EPHA6: variants seen among roughly 807,000 people sequenced by gnomAD.
EPHA6 encodes EPH receptor A6, also known as ephrin type-A receptor 6.
In EPHA6, 50 loss-of-function variants were observed where a neutral mutation model predicts 112.0. That is an observed-to-expected ratio of 0.45 (90% CI 0.36 to 0.56). The LOEUF (loss-of-function observed/expected upper bound fraction) is 0.56. Among genes scored for constraint, EPHA6 ranks in the 20% least tolerant of loss-of-function variants. EPHA6 has a pLI of 0.00. For synonymous variants in EPHA6, 529 were observed against 490.7 expected (o/e 1.08, Z -1.03); for missense variants, 1,280 against 1,417.4 (o/e 0.90, Z 1.56).
chr3:96,970,625 A>G (rs2042281539), intron 2 of EPHA6, among the ~76,000 whole-genome samples: 1 of 152,110 alleles, frequency 6.6e-6, no homozygotes, highest in Non-Finnish European at 1.5e-5. Flanking sequence ...AACAACTATT[A>G]AGAACCAACT....
chr3:97,517,286 G>A (rs2092462264), intron 10 of EPHA6, among the ~76,000 whole-genome samples: 1 of 152,050 alleles, frequency 6.6e-6, no homozygotes, highest in African/African-American at 2.4e-5. Context: ...ACACCAGGAA[G>A]AACTATAGTG....
At chr3:97,556,081 T>C (rs10049303) in intron 11 of EPHA6, among the ~76,000 whole-genome samples, 41,892 of 151,858 alleles carry the variant, frequency 0.28, 8,952 homozygotes, top group African/African-American at 0.59. Context: ...AGCCCCTACA[T>C]TCTGAAGCCC....
At chr3:97,143,757 T>C (rs1484043318) in intron 3 of EPHA6, among the ~76,000 whole-genome samples, 1 of 151,684 alleles carries the variant, frequency 6.6e-6, no homozygotes, top group African/African-American at 2.4e-5. Context: ...CACCAATAAG[T>C]TTTGTAGAAC....
intron 3 of EPHA6, among the ~76,000 whole-genome samples, chr3:97,023,209 G>A (rs2044522402): frequency 6.6e-6 from 1 of 152,102 alleles, no homozygotes; most frequent in South Asian, 2.1e-4. Context: ...CTCCTGGGTA[G>A]CTGGGACTAC....
chr3:96,867,968 GTT>G (rs1324980058), intron 2 of EPHA6, among the ~76,000 whole-genome samples: 1 of 151,558 alleles, frequency 6.6e-6, no homozygotes, highest in African/African-American at 2.4e-5. Flanking sequence ...TGAAATTTTT[GTT>G]TATTCTACTA....
intron 15 of EPHA6, among the ~76,000 whole-genome samples, chr3:97,733,871 A>G (rs572193247): frequency 6.6e-6 from 1 of 152,094 alleles, no homozygotes; most frequent in Non-Finnish European, 1.5e-5. Context: ...AATCACTACT[A>G]AAATTGTATT....
At chr3:97,022,056 G>A (rs1001658494) in intron 3 of EPHA6, among the ~76,000 whole-genome samples, 50 of 152,222 alleles carry the variant, frequency 3.3e-4, no homozygotes, top group African/African-American at 1.2e-3. Context: ...ATATAATGAA[G>A]CATTGAGAAA....
rs556315733 is a variant in EPHA6 at position 96,821,286 on chromosome 3, T to A, written c.385+6278T>A. Among the ~76,000 whole-genome samples, 13 of 152,106 alleles carry A rather than the reference T, an allele frequency of 8.5e-5. No individual in the cohort carries two copies. In the South Asian group the frequency reaches 2.5e-3, roughly 29 times the overall value. ...AATTCTTAACACTCTTACACACTGT[T>A]TTTTAGAAAATTCATATTCTGGAGA... On this transcript the variant is annotated intron_variant, in intron 1 of 17. Coordinates refer to ENST00000389672, the MANE Select transcript of EPHA6 (RefSeq NM_001080448.3).
intron 5 of EPHA6, among the ~76,000 whole-genome samples, chr3:97,385,481 A>T (rs1309013605): frequency 6.6e-6 from 1 of 152,208 alleles, no homozygotes; most frequent in African/African-American, 2.4e-5. Context: ...AGAGATAATC[A>T]TAAGGTGAAA....
chr3:96,935,247 C>A (rs1055557123), intron 2 of EPHA6, among the ~76,000 whole-genome samples: 4 of 151,728 alleles, frequency 2.6e-5, no homozygotes. Context: ...ATAGTTCATA[C>A]TGGGGAAAAA....
Position 97,760,052 on chromosome 3 carries a change from A to G in EPHA6, c.*11351A>G. The G allele has an allele frequency of 5.4e-6, 1 of 184,640 alleles. No individual in the cohort carries two copies. Among genetic ancestry groups the G allele is most frequent in the Non-Finnish European group, 1.2e-5 (1 of 86,912 alleles). The allele number at this position is 184,640 out of a possible 1,614,324, so 11.4% of individuals were successfully genotyped here. On this transcript the variant is annotated 3_prime_UTR_variant, in exon 18 of 18. Transcript: ENST00000389672. ...ATCTGTTATAATGCAAAGCCTATCA[A>G]ACTTAAAATTAGCTTAATCCTGAAA...
intron 3 of EPHA6, among the ~76,000 whole-genome samples, chr3:97,148,227 T>C (rs1290674585): frequency 6.6e-6 from 1 of 152,062 alleles, no homozygotes; most frequent in Non-Finnish European, 1.5e-5. Context: ...CCCAGCACGT[T>C]GGGAGGCTGA....
chr3:97,123,689 G>A (rs1184236624), intron 3 of EPHA6, among the ~76,000 whole-genome samples: 1 of 152,052 alleles, frequency 6.6e-6, no homozygotes, highest in East Asian at 1.9e-4. Context: ...TTGTGGATTA[G>A]AGAAACAATC....
intron 2 of EPHA6, among the ~76,000 whole-genome samples, chr3:96,945,129 T>C (rs2041185588): frequency 6.6e-6 from 1 of 152,232 alleles, no homozygotes; most frequent in African/African-American, 2.4e-5. Flanking sequence ...TCTGTGATTT[T>C]ATCTTAAAAA....
At chr3:96,945,601 C>G (rs1237368215) in intron 2 of EPHA6, among the ~76,000 whole-genome samples, 2 of 152,050 alleles carry the variant, frequency 1.3e-5, no homozygotes, top group African/African-American at 4.8e-5. Flanking sequence ...CTCGATATTA[C>G]CTATTTTTCT....
chr3:97,625,023 T>C (rs917471241), intron 13 of EPHA6, among the ~76,000 whole-genome samples: 4 of 151,580 alleles, frequency 2.6e-5, no homozygotes, highest in Admixed American at 6.6e-5. Context: ...ATTTTCTTTA[T>C]TGTTTTTCTA....
intron 14 of EPHA6, among the ~76,000 whole-genome samples, chr3:97,702,889 T>TA (rs1340941704): frequency 6.6e-6 from 1 of 152,222 alleles, no homozygotes; most frequent in Non-Finnish European, 1.5e-5. Flanking sequence ...TGAACAGAGT[T>TA]AGACTATTGA....
chr3:96,998,739 C>A (rs139428598), intron 3 of EPHA6, among the ~76,000 whole-genome samples: 1 of 151,546 alleles, frequency 6.6e-6, no homozygotes, highest in Non-Finnish European at 1.5e-5. Flanking sequence ...TGTTTTTAAC[C>A]TGAGAAAGAG....
chr3:97,002,003 G>A (rs2043683961), intron 3 of EPHA6, among the ~76,000 whole-genome samples: 1 of 151,892 alleles, frequency 6.6e-6, no homozygotes, highest in South Asian at 2.1e-4. Context: ...TAGGATTATG[G>A]TATATTTGGT....
Sources: gnomAD v4.1 joint callset for allele counts (sites outside exome capture counted in the v4.1 genomes callset) on GRCh38, gnomAD v4.1.1 for gene constraint, MANE v1.5 for transcripts, NCBI Gene and HGNC (gene_info 2026-07-23, HGNC 2026-07-21) for gene names.